ATL1: variants seen among roughly 807,000 people sequenced by gnomAD.
ATL1 encodes the protein atlastin-1.
In ATL1, 31 loss-of-function variants were observed where a neutral mutation model predicts 75.5. The observed-to-expected ratio is 0.41, with a 90% CI of 0.31 to 0.55. The LOEUF (loss-of-function observed/expected upper bound fraction) is 0.55. ATL1 is among the 20% of genes least tolerant of loss of function. The pLI is 0.27. For synonymous variants in ATL1, 226 were observed against 233.3 expected, an observed-to-expected ratio of 0.97 and a Z score of 0.28; for missense variants, 405 against 662.6, an observed-to-expected ratio of 0.61 and a Z score of 4.27.
Position 50,620,712 on chromosome 14 carries a change from G to A in ATL1, c.976G>A (p.Val326Met). The A allele has an allele frequency of 1.9e-6, 3 of 1,613,546 alleles. No individual in the cohort carries two copies. In the South Asian group the frequency reaches 3.3e-5, roughly 18 times the overall value. ...GAATAAAATCACCTGCCGGGGTCTGGTGGAGTACTTCAAGGTATCACTCTC... is the reference window on the plus strand; with the variant it reads ...GAATAAAATCACCTGCCGGGGTCTGATGGAGTACTTCAAGGTATCACTCTC... ...NGNKITCRGL[V>M]EYFKAYIKIY... Residue 326 changes from valine (V) to methionine (M), a missense_variant, in exon 9 of 14, where the codon GTG (valine) becomes ATG (methionine). Around this residue, in one of 5 missense-constraint regions of ATL1, gnomAD observed 56 missense variants for 66.6 expected, o/e 0.84. Coordinates refer to ENST00000358385, the MANE Select transcript of ATL1 (RefSeq NM_015915.5).
intron 9 of ATL1, 87 bp downstream of exon 9, chr14:50,620,813 T>C (rs1043652613): frequency 1.4e-6 from 2 of 1,474,966 alleles, no homozygotes; most frequent in Middle Eastern, 1.8e-4. Context: ...ATAGACCCGA[T>C]AATATGGGAG....
intron 1 of ATL1, among the ~76,000 whole-genome samples, chr14:50,552,626 A>G (rs542920629): frequency 1.2e-4 from 18 of 152,364 alleles, no homozygotes; most frequent in Admixed American, 4.6e-4. Flanking sequence ...CTGTGAGGCT[A>G]TAGTTACCAA....
intron 1 of ATL1, among the ~76,000 whole-genome samples, chr14:50,543,508 C>G (rs550771205): frequency 6.6e-6 from 1 of 152,252 alleles, no homozygotes; most frequent in Admixed American, 6.5e-5. Flanking sequence ...TATCTTTGAG[C>G]AAGAAAGTAA....
intron 3 of ATL1, among the ~76,000 whole-genome samples, chr14:50,591,306 C>T (rs1212247793): frequency 6.6e-6 from 1 of 152,138 alleles, no homozygotes; most frequent in Non-Finnish European, 1.5e-5. Flanking sequence ...TATTTTGTTT[C>T]ACTGCTACAT....
chr14:50,577,263 C>T (rs902829355), intron 1 of ATL1, among the ~76,000 whole-genome samples: 1 of 151,974 alleles, frequency 6.6e-6, no homozygotes, highest in Non-Finnish European at 1.5e-5. Flanking sequence ...AGGGTTTCAC[C>T]GTGTTAGCCA....
chr14:50,544,247 G>A (rs1231834281), intron 1 of ATL1, among the ~76,000 whole-genome samples: 1 of 152,326 alleles, frequency 6.6e-6, no homozygotes, highest in Non-Finnish European at 1.5e-5. Flanking sequence ...TAAGGGTTAT[G>A]GGAAAGTGGA....
intron 7 of ATL1, among the ~76,000 whole-genome samples, 192 bp from the exon 8 acceptor site, chr14:50,614,181 C>T (rs768982427): frequency 3.9e-5 from 6 of 152,108 alleles, no homozygotes; most frequent in Non-Finnish European, 7.4e-5. Context: ...CTATGCCATG[C>T]GTTTTCTATA....
At chr14:50,615,167 T>C (rs1023568872) in intron 8 of ATL1, among the ~76,000 whole-genome samples, 1 of 152,224 alleles carries the variant, frequency 6.6e-6, no homozygotes, top group Non-Finnish European at 1.5e-5. Flanking sequence ...GAAGTTAATC[T>C]TTCCCAAAAG....
intron 1 of ATL1, among the ~76,000 whole-genome samples, chr14:50,586,429 G>C (rs771287996): frequency 6.6e-6 from 1 of 152,090 alleles, no homozygotes; most frequent in Non-Finnish European, 1.5e-5. Flanking sequence ...AGGGGCTCTG[G>C]TTCCTTAATT....
Position 50,613,287 on chromosome 14 carries a change from G to C in ATL1, c.659G>C (p.Ser220Thr), listed in dbSNP as rs1229758246. 1 of 1,613,118 alleles carries C rather than the reference G, an allele frequency of 6.2e-7. No homozygotes were observed. Among genetic ancestry groups the C allele is most frequent in the Non-Finnish European group, 8.5e-7 (1 of 1,179,626 alleles). Residue 220 changes from serine (S) to threonine (T), a missense_variant, in exon 7 of 14, where the codon AGT becomes ACT. Ser to Thr is a moderately conservative substitution (Grantham distance 58, BLOSUM62 1). Transcript: ENST00000358385. ...QSLIFLVRDW[S>T]FPYEFSYGAD... ...CTGATATTTCTTGTTCGAGACTGGA[G>C]TTTCCCATACGAATTTTCATATGGA... is the stretch of plus-strand genomic sequence containing the variant.
At chr14:50,627,415 T>C (rs958480856) in intron 11 of ATL1, among the ~76,000 whole-genome samples, 6 of 152,250 alleles carry the variant, frequency 3.9e-5, no homozygotes, top group Admixed American at 2.6e-4. Flanking sequence ...GGCATGCCTG[T>C]AACCAAAGTG....
chr14:50,555,344 T>C (rs2038753344), upstream of ATL1, among the ~76,000 whole-genome samples: 1 of 152,182 alleles, frequency 6.6e-6, no homozygotes, highest in African/African-American at 2.4e-5. Context: ...TGCAGTGGCG[T>C]GATCTTGGCT....
At chr14:50,574,583 C>A (rs967381060) in intron 1 of ATL1, among the ~76,000 whole-genome samples, 1 of 152,044 alleles carries the variant, frequency 6.6e-6, no homozygotes, top group Admixed American at 6.6e-5. Flanking sequence ...CTAAAACTGA[C>A]TTTTTTCAGT....
At chr14:50,595,227 CCTT>C (rs2039202842) in intron 5 of ATL1, among the ~76,000 whole-genome samples, 1 of 151,922 alleles carries the variant, frequency 6.6e-6, no homozygotes, top group African/African-American at 2.4e-5. Context: ...TAGCATGTTT[CCTT>C]CTTCTGTTTT....
intron 8 of ATL1, among the ~76,000 whole-genome samples, chr14:50,619,674 A>G (rs2047151): frequency 0.041 from 6,266 of 152,296 alleles, 418 homozygotes; most frequent in African/African-American, 0.14. Flanking sequence ...TGACAACTAC[A>G]TACTCATACT....
chr14:50,613,369 G>A lies in ATL1; in HGVS notation c.723+18G>A, dbSNP rs757310399. 14 of 1,582,754 alleles carry A rather than the reference G, an allele frequency of 8.8e-6. No individual in the cohort carries two copies. Among genetic ancestry groups the A allele is most frequent in the Non-Finnish European group, 1.0e-5 (12 of 1,152,904 alleles). The stretch of plus-strand genomic sequence containing the variant: ...GCCTCAAGGTTTGTTAGATATTTAG[G>A]TGCATGAAATTTCACTAATAATCTG... On this transcript the variant is annotated intron_variant, in intron 7 of 13. Transcript: ENST00000358385.
chr14:50,630,098 T>G, intron 13 of ATL1, 89 bp downstream of exon 13: 1 of 921,374 alleles, frequency 1.1e-6, no homozygotes, highest in Non-Finnish European at 1.6e-6. Flanking sequence ...AAAAGATGTC[T>G]TTATGTAGAT....
chr14:50,594,625 G>A (rs1202542515), intron 5 of ATL1, among the ~76,000 whole-genome samples: 1 of 152,106 alleles, frequency 6.6e-6, no homozygotes, highest in Non-Finnish European at 1.5e-5. Flanking sequence ...AAAGTTCCCA[G>A]GACTAAGGAG....
intron 6 of ATL1, among the ~76,000 whole-genome samples, chr14:50,597,758 G>A (rs773666807): frequency 3.6e-4 from 54 of 151,978 alleles, no homozygotes; most frequent in Admixed American, 2.1e-3. Flanking sequence ...GCAGTGGTGC[G>A]ATCTCGGCTC....
Sources: gnomAD v4.1 joint callset for allele counts (sites outside exome capture counted in the v4.1 genomes callset) on GRCh38, gnomAD v4.1.1 for gene constraint, gnomAD v4.1.1 regional missense constraint, MANE v1.5 for transcripts, NCBI Gene and HGNC (gene_info 2026-07-23, HGNC 2026-07-21) for gene names.